Variants in SNX25 observed in about 807,000 individuals in gnomAD.
The protein encoded by SNX25 is sorting nexin-25.
SNX25 carries 62 observed loss-of-function variants against 113.7 expected under a neutral mutation model. The ratio of observed to expected loss-of-function variants is 0.55; its 90% confidence interval spans 0.44 to 0.67. The LOEUF (loss-of-function observed/expected upper bound fraction) is 0.67, where lower values mean the gene tolerates loss of function less well. Ranked by LOEUF, SNX25 falls within the 30% of genes least tolerant of loss-of-function variation. The pLI, the probability that SNX25 is intolerant of heterozygous loss-of-function variation, is 0.00. For synonymous variants in SNX25, 421 were observed against 436.2 expected, an observed-to-expected ratio of 0.97 and a Z score of 0.43; for missense variants, 1,014 against 1,161.0, an observed-to-expected ratio of 0.87 and a Z score of 1.84.
chr4:185,315,912 C>T (rs2095070437), intron 7 of SNX25, among the ~76,000 whole-genome samples: 1 of 152,140 alleles, frequency 6.6e-6, no homozygotes, highest in Admixed American at 6.5e-5. Flanking sequence ...ATTATTAAGG[C>T]TTGATGGAAT....
At chr4:185,224,872 C>T (rs1408857755) in intron 1 of SNX25, among the ~76,000 whole-genome samples, 1 of 151,274 alleles carries the variant, frequency 6.6e-6, no homozygotes, top group Non-Finnish European at 1.5e-5. Flanking sequence ...ATGTTTCAGG[C>T]TCATTTTGAA....
chr4:185,247,181 G>A (rs903306116), intron 1 of SNX25, 113 bp from the exon 2 acceptor site: 18 of 681,438 alleles, frequency 2.6e-5, no homozygotes, highest in South Asian at 1.6e-4. Context: ...TCTGTTATTC[G>A]TTAAGCCTTA....
At chr4:185,261,883 G>A (rs1560945909) in intron 3 of SNX25, among the ~76,000 whole-genome samples, 1 of 152,284 alleles carries the variant, frequency 6.6e-6, no homozygotes, top group East Asian at 1.9e-4. Context: ...GTACCAGTAG[G>A]TCACTGGCAT....
chr4:185,259,473 A>G (rs1303862445), intron 3 of SNX25, among the ~76,000 whole-genome samples: 1 of 152,208 alleles, frequency 6.6e-6, no homozygotes, highest in Non-Finnish European at 1.5e-5. Flanking sequence ...GTTGCATCAC[A>G]ATATCCTGAA....
At chr4:185,242,512 C>G (rs1188034860) in intron 1 of SNX25, among the ~76,000 whole-genome samples, 1 of 152,228 alleles carries the variant, frequency 6.6e-6, no homozygotes, top group East Asian at 1.9e-4. Flanking sequence ...GAAACGCTTA[C>G]TTACATTTAC....
intron 6 of SNX25, among the ~76,000 whole-genome samples, 172 bp from the exon 7 acceptor site, chr4:185,310,463 G>A (rs946833586): frequency 4.6e-5 from 7 of 152,126 alleles, no homozygotes; most frequent in African/African-American, 1.7e-4. Flanking sequence ...GAAATGATTG[G>A]CATTTTTATT....
chr4:185,368,039 G>A (rs1179722508), downstream of SNX25, among the ~76,000 whole-genome samples: 3 of 152,060 alleles, frequency 2.0e-5, no homozygotes, highest in East Asian at 3.9e-4. Context: ...TTAGCCAGGC[G>A]TGGTGGTGGG....
downstream of SNX25, among the ~76,000 whole-genome samples, chr4:185,374,963 A>G (rs1481711999): frequency 6.6e-6 from 1 of 152,122 alleles, no homozygotes; most frequent in African/African-American, 2.4e-5. Context: ...ATGCACTAAT[A>G]CGACATCTGC....
chr4:185,330,699 G>A (rs1231652859), intron 9 of SNX25, among the ~76,000 whole-genome samples: 1 of 152,106 alleles, frequency 6.6e-6, no homozygotes. Context: ...ACTATCTCCA[G>A]CCCTGAGGAC....
chr4:185,282,135 G>A (rs1026858979), intron 5 of SNX25, among the ~76,000 whole-genome samples: 10 of 152,008 alleles, frequency 6.6e-5, no homozygotes, highest in East Asian at 1.9e-4. Context: ...TTATCACATC[G>A]CATACCTGAG....
Position 185,332,776 on chromosome 4 carries a change from A to G in SNX25, c.1914+17A>G, listed in dbSNP as rs201568638. On this transcript the variant is annotated intron_variant, in intron 10 of 18. Coordinates refer to ENST00000652585, the MANE Select transcript of SNX25 (RefSeq NM_001378034.2). The stretch of plus-strand genomic sequence containing the variant: ...GACAAGAAGGTAACTCTTTGCTTTC[A>G]AGGTTGTCTTTGAAAGTTAACATTT... 125 of 1,608,034 alleles carry G rather than the reference A, an allele frequency of 7.8e-5. No homozygotes were observed. The Middle Eastern group carries it at 2.0e-3, about 26-fold the overall frequency.
At chr4:185,266,515 C>T (rs1748109794) in intron 4 of SNX25, among the ~76,000 whole-genome samples, 1 of 152,124 alleles carries the variant, frequency 6.6e-6, no homozygotes, top group Non-Finnish European at 1.5e-5. Flanking sequence ...CATGTGCCAC[C>T]ATGCATGGCT....
intron 1 of SNX25, among the ~76,000 whole-genome samples, chr4:185,238,321 G>A (rs1742980608): frequency 6.6e-6 from 1 of 152,002 alleles, no homozygotes; most frequent in South Asian, 2.1e-4. Context: ...CTCTTAACAC[G>A]GCTGCTTGGC....
intron 7 of SNX25, among the ~76,000 whole-genome samples, chr4:185,315,251 A>G (rs2095063603): frequency 6.7e-6 from 1 of 149,402 alleles, no homozygotes; most frequent in African/African-American, 2.5e-5. Context: ...AGAAAAGAAA[A>G]CCTTCCCACA....
intron 9 of SNX25, 61 bp from the exon 10 acceptor site, chr4:185,332,534 G>T (rs1041328647): frequency 1.4e-6 from 2 of 1,464,720 alleles, no homozygotes; most frequent in South Asian, 1.5e-5. Context: ...TATCGTGACC[G>T]ATAATAATTA....
intron 1 of SNX25, among the ~76,000 whole-genome samples, chr4:185,246,571 A>T: frequency 6.6e-6 from 1 of 151,526 alleles, no homozygotes; most frequent in Non-Finnish European, 1.5e-5. Context: ...TTTTCTTTTG[A>T]GTTATTTTCT....
At chr4:185,369,161 A>G (rs1356803108) in intron 11 of SNX25, among the ~76,000 whole-genome samples, 3 of 151,528 alleles carry the variant, frequency 2.0e-5, no homozygotes, top group African/African-American at 4.9e-5. Context: ...AGAGTTTTCT[A>G]AGGATATTAA....
intron 7 of SNX25, among the ~76,000 whole-genome samples, chr4:185,314,478 A>G (rs1174897414): frequency 6.6e-6 from 1 of 152,220 alleles, no homozygotes; most frequent in African/African-American, 2.4e-5. Flanking sequence ...CTAAGGGAAT[A>G]ATGTGGACAA....
intron 1 of SNX25, among the ~76,000 whole-genome samples, chr4:185,228,157 G>A (rs1019043276): frequency 1.2e-4 from 19 of 152,202 alleles, no homozygotes; most frequent in Admixed American, 1.2e-3. Context: ...CTCTGTAGAA[G>A]CCTGGCTGAG....
Sources: allele counts gnomAD v4.1 joint callset (sites outside exome capture counted in the v4.1 genomes callset), GRCh38; gene constraint gnomAD v4.1.1; transcripts MANE v1.5; gene names NCBI Gene and HGNC (gene_info 2026-07-23, HGNC 2026-07-21).